The following MYO5A variants were observed in gnomAD, a reference collection of about 807,000 sequenced individuals.
The protein encoded by MYO5A is myosin VA.
MYO5A carries 98 observed loss-of-function variants against 249.7 expected under a neutral mutation model. The observed-to-expected ratio is 0.39, with a 90% confidence interval of 0.33 to 0.46. The LOEUF is 0.46. Ranked by LOEUF, MYO5A falls within the 20% of genes least tolerant of loss-of-function variation. The pLI is 0.98. For missense variants in MYO5A, 1,696 were observed against 2,308.8 expected (o/e 0.73, Z 5.44); for synonymous variants, 778 against 810.6 (o/e 0.96, Z 0.68).
intron 9 of MYO5A, among the ~76,000 whole-genome samples, chr15:52,402,452 C>T (rs1331678765): frequency 5.3e-5 from 8 of 152,156 alleles, no homozygotes; most frequent in Admixed American, 4.6e-4. Flanking sequence ...CTGTAGCTCA[C>T]TTGGCTATGA....
intron 28 of MYO5A, among the ~76,000 whole-genome samples, chr15:52,349,464 T>C (rs996532464): frequency 6.6e-6 from 1 of 152,040 alleles, no homozygotes; most frequent in African/African-American, 2.4e-5. Context: ...CTGAGGAACT[T>C]AGGTACCTCA....
chr15:52,327,948 C>T lies in MYO5A; in HGVS notation c.4614G>A (p.Leu1538=), dbSNP rs201376683. The change falls in exon 36 of 42, where the codon CTG becomes CTA. Residue 1538 remains leucine, a synonymous_variant. Transcript: ENST00000399233. The part of the protein sequence containing the change: ...NLIPGLPAYI[L]FMCVRHADYL... The stretch of plus-strand genomic sequence containing the variant: ...AGTCAGCATGTCGAACACACATGAA[C>T]AGGATATATGCCGGTAATCCTGGAA... 2 of 1,613,478 alleles carry T rather than the reference C, an allele frequency of 1.2e-6. No individual in the cohort carries two copies. The highest frequency in any genetic ancestry group is 2.7e-5 in the African/African-American group (2 of 74,874).
At chr15:52,320,249 C>T (rs1325325790) in intron 38 of MYO5A, among the ~76,000 whole-genome samples, 1 of 152,146 alleles carries the variant, frequency 6.6e-6, no homozygotes, top group African/African-American at 2.4e-5. Flanking sequence ...TCTGAGATGT[C>T]CACTCCCTGA....
intron 1 of MYO5A, among the ~76,000 whole-genome samples, chr15:52,441,295 A>C (rs1360985710): frequency 6.6e-6 from 1 of 152,112 alleles, no homozygotes; most frequent in Non-Finnish European, 1.5e-5. Flanking sequence ...TTGTTATGAA[A>C]TATGTCATAC....
At chr15:52,378,515 C>CAAAAAAAAAAAAAAA (rs55803737) in intron 18 of MYO5A, among the ~76,000 whole-genome samples, 162 of 10,442 alleles carry the variant, frequency 0.016, 37 homozygotes, top group Non-Finnish European at 0.035. Context: ...AAGACTGTCT[C>CAAAAAAAAAAAAAAA]AAAAAAAAAA....
intron 1 of MYO5A, among the ~76,000 whole-genome samples, chr15:52,506,103 G>T (rs1478784294): frequency 6.6e-6 from 1 of 151,964 alleles, no homozygotes; most frequent in African/African-American, 2.4e-5. Flanking sequence ...TGTAATCCCA[G>T]CACTTTAGGA....
intron 9 of MYO5A, 59 bp from the exon 10 acceptor site, chr15:52,397,525 G>GA (rs2042544082): frequency 7.6e-6 from 12 of 1,579,172 alleles, no homozygotes; most frequent in Non-Finnish European, 1.0e-5. Flanking sequence ...GAATCTCTCG[G>GA]AAAATGTTAA....
chr15:52,340,418 G>C, intron 31 of MYO5A, 24 bp from the exon 32 acceptor site: 1 of 1,607,048 alleles, frequency 6.2e-7, no homozygotes, highest in Non-Finnish European at 8.5e-7. Flanking sequence ...ACATGGGTCG[G>C]AAGGGGAGAC....
chr15:52,421,270 C>A (rs1427242474), intron 4 of MYO5A, among the ~76,000 whole-genome samples: 1 of 152,014 alleles, frequency 6.6e-6, no homozygotes, highest in Non-Finnish European at 1.5e-5. Context: ...ACCACATAAC[C>A]AAATGACGGA....
At chr15:52,470,264 T>G (rs756069620) in intron 1 of MYO5A, among the ~76,000 whole-genome samples, 2 of 152,136 alleles carry the variant, frequency 1.3e-5, no homozygotes, top group Non-Finnish European at 2.9e-5. Context: ...CGTGCTGTGT[T>G]TGGGGGCAAG....
rs1225889386 is a variant in MYO5A at position 52,515,352 on chromosome 15, A to T, written c.27+13428T>A. On this transcript the variant is annotated intron_variant, in intron 1 of 41. Coordinates refer to ENST00000399233, the MANE Select transcript of MYO5A (RefSeq NM_001382347.1). ...AGAGCAGTAACAGTACTAGGAAATG[A>T]TAACTGATTAGGTGGGGTGCAGGGG... 2.0e-5 allele frequency among the ~76,000 whole-genome samples: 3 copies of T among 151,280 alleles called. No individual in the cohort carries two copies. The Admixed American group carries it at 2.0e-4, about 10-fold the overall frequency.
chr15:52,471,026 A>C (rs1381599579), intron 1 of MYO5A, among the ~76,000 whole-genome samples: 1 of 147,588 alleles, frequency 6.8e-6, no homozygotes, highest in Non-Finnish European at 1.5e-5. Context: ...CCATCTCAAA[A>C]AAAAAAAAAA....
intron 1 of MYO5A, among the ~76,000 whole-genome samples, chr15:52,509,798 A>C (rs554006667): frequency 3.9e-5 from 6 of 152,334 alleles, no homozygotes; most frequent in Admixed American, 3.3e-4. Flanking sequence ...TTCACGTTGA[A>C]ATCAGAGGCA....
chr15:52,347,555 G>A (rs1289003079), intron 29 of MYO5A, among the ~76,000 whole-genome samples: 1 of 152,114 alleles, frequency 6.6e-6, no homozygotes, highest in Non-Finnish European at 1.5e-5. Flanking sequence ...CAAATACCAT[G>A]ATCTTAAAGA....
At chr15:52,374,006 T>C (rs961818173) in intron 20 of MYO5A, among the ~76,000 whole-genome samples, 1 of 152,034 alleles carries the variant, frequency 6.6e-6, no homozygotes, top group African/African-American at 2.4e-5. Flanking sequence ...GTCACACCCA[T>C]ATACTGTCTG....
rs61202723 is a variant in MYO5A at position 52,307,343 on chromosome 15, T to TTTAAC, written c.*6352_*6353insGTTAA. On this transcript the variant is annotated 3_prime_UTR_variant, in exon 42 of 42. Coordinates refer to ENST00000399233, the MANE Select transcript of MYO5A (RefSeq NM_001382347.1). Reference sequence around the variant, plus strand: ...AATAGCTAGGAGAATACAGCATTAATGACACACATTTACTAAGCACAACAA... The same window carrying TTTAAC: ...AATAGCTAGGAGAATACAGCATTAATTTAACGACACACATTTACTAAGCACAACAA... 1 of 152,172 alleles carries TTTAAC rather than the reference T, an allele frequency of 6.6e-6. No individual in the cohort carries two copies. Among genetic ancestry groups the TTTAAC allele is most frequent in the Non-Finnish European group, 1.5e-5 (1 of 67,996 alleles). 9.4% of individuals were successfully genotyped at this position (152,172 alleles called of 1,614,324 possible).
At chr15:52,425,711 C>A (rs1025222170) in intron 4 of MYO5A, 119 bp downstream of exon 4, 22 of 1,181,618 alleles carry the variant, frequency 1.9e-5, no homozygotes, top group South Asian at 5.1e-5. Context: ...CTTGTCAAGG[C>A]TGCTTATTTA....
chr15:52,360,594 T>G (rs1255996728), intron 24 of MYO5A, among the ~76,000 whole-genome samples: 1 of 152,148 alleles, frequency 6.6e-6, no homozygotes, highest in Non-Finnish European at 1.5e-5. Context: ...ATACGTGAAG[T>G]TAAATCTTTG....
intron 1 of MYO5A, among the ~76,000 whole-genome samples, chr15:52,463,190 C>T (rs557614333): frequency 6.6e-6 from 1 of 152,310 alleles, no homozygotes; most frequent in South Asian, 2.1e-4. Context: ...CATAAGCAAA[C>T]AAAGACTCTA....
Sources: gnomAD v4.1 joint callset for allele counts (sites outside exome capture counted in the v4.1 genomes callset) on GRCh38, gnomAD v4.1.1 for gene constraint, MANE v1.5 for transcripts, NCBI Gene and HGNC (gene_info 2026-07-23, HGNC 2026-07-21) for gene names.